Variants in MGAT4C observed in about 807,000 individuals in gnomAD.
MGAT4C encodes alpha-1,3-mannosyl-glycoprotein 4-beta-N-acetylglucosaminyltransferase C.
A neutral mutation model predicts 40.1 loss-of-function variants in MGAT4C; 19 were observed. That is an observed-to-expected ratio of 0.47 (90% CI 0.33 to 0.70). The LOEUF is 0.70. Ranked by LOEUF, MGAT4C falls within the 30% of genes least tolerant of loss-of-function variation. The pLI is 0.02. For synonymous variants in MGAT4C, 181 were observed against 187.1 expected (o/e 0.97, Z 0.27); for missense variants, 491 against 563.2 (o/e 0.87, Z 1.30).
intron 2 of MGAT4C, chr12:86,011,740 G>T: frequency 1.5e-6 from 1 of 654,028 alleles, no homozygotes; most frequent in Non-Finnish European, 1.9e-6. Flanking sequence ...AATATAATTT[G>T]CGAATAATAC....
chr12:86,322,787 T>C (rs1184582332), intron 4 of MGAT4C, among the ~76,000 whole-genome samples: 1 of 152,102 alleles, frequency 6.6e-6, no homozygotes, highest in East Asian at 1.9e-4. Flanking sequence ...ATAGAGCATA[T>C]ATTTTTAGAT....
At chr12:86,392,166 G>A (rs1356304344) in intron 3 of MGAT4C, among the ~76,000 whole-genome samples, 1 of 152,048 alleles carries the variant, frequency 6.6e-6, no homozygotes, top group Non-Finnish European at 1.5e-5. Flanking sequence ...TCTTCTAGAA[G>A]AAGAGCAAGA....
chr12:86,012,466 C>T (rs373636185), intron 2 of MGAT4C, among the ~76,000 whole-genome samples: 9 of 152,114 alleles, frequency 5.9e-5, no homozygotes, highest in East Asian at 1.9e-4. Flanking sequence ...TGAGGCCAGG[C>T]GCAGTGGCTC....
intron 2 of MGAT4C, among the ~76,000 whole-genome samples, chr12:86,681,445 TAATC>T (rs1324618453): frequency 6.6e-6 from 1 of 151,976 alleles, no homozygotes. Context: ...ACAATTCAAT[TAATC>T]AGATTTTCTT....
At chr12:86,110,459 G>A (rs1445423279) in intron 1 of MGAT4C, among the ~76,000 whole-genome samples, 2 of 148,202 alleles carry the variant, frequency 1.3e-5, no homozygotes, top group Non-Finnish European at 3.0e-5. Flanking sequence ...TATTATATAT[G>A]ATGCCACATC....
At chr12:85,997,339 G>A (rs1886740581) in intron 2 of MGAT4C, among the ~76,000 whole-genome samples, 1 of 152,120 alleles carries the variant, frequency 6.6e-6, no homozygotes, top group African/African-American at 2.4e-5. Context: ...AGATTTGGGT[G>A]GGGAACCAGC....
chr12:86,086,069 T>A (rs1295536979), intron 1 of MGAT4C, among the ~76,000 whole-genome samples: 1 of 152,120 alleles, frequency 6.6e-6, no homozygotes, highest in African/African-American at 2.4e-5. Flanking sequence ...TAAATCATTC[T>A]ACTATAAAGA....
intron 3 of MGAT4C, among the ~76,000 whole-genome samples, chr12:86,344,756 A>ATGTGTGTG (rs375136362): frequency 1.0e-4 from 10 of 96,400 alleles, no homozygotes; most frequent in East Asian, 7.7e-4. Context: ...GTGTGTGTGT[A>ATGTGTGTG]TGTGTGTGTG....
intron 1 of MGAT4C, among the ~76,000 whole-genome samples, chr12:86,768,361 TAA>T (rs1951556565): frequency 6.6e-6 from 1 of 151,952 alleles, no homozygotes; most frequent in Non-Finnish European, 1.5e-5. Context: ...CTCAATGAAA[TAA>T]AAGAGGATAC....
intron 3 of MGAT4C, among the ~76,000 whole-genome samples, chr12:86,338,590 G>A (rs1315138174): frequency 6.6e-6 from 1 of 152,154 alleles, no homozygotes; most frequent in Non-Finnish European, 1.5e-5. Context: ...CCTATGCCCA[G>A]GAATGAACAA....
intron 3 of MGAT4C, among the ~76,000 whole-genome samples, chr12:86,359,345 TA>T (rs1376579591): frequency 6.6e-6 from 1 of 152,174 alleles, no homozygotes; most frequent in African/African-American, 2.4e-5. Context: ...GAGGGAAATT[TA>T]TAGCACTAAA....
At chr12:86,462,538 AAGG>A (rs1565778785) in intron 2 of MGAT4C, among the ~76,000 whole-genome samples, 2 of 152,298 alleles carry the variant, frequency 1.3e-5, no homozygotes, top group South Asian at 4.1e-4. Context: ...GGAGTTTATT[AAGG>A]AGTATTGACT....
At chr12:86,593,171 T>C (rs887213902) in intron 2 of MGAT4C, among the ~76,000 whole-genome samples, 2 of 152,080 alleles carry the variant, frequency 1.3e-5, no homozygotes, top group Non-Finnish European at 2.9e-5. Context: ...TGACATACAA[T>C]TGTTCATAAT....
chr12:86,198,902 G>A (rs1210780092), intron 1 of MGAT4C, among the ~76,000 whole-genome samples: 2 of 152,182 alleles, frequency 1.3e-5, no homozygotes, highest in African/African-American at 2.4e-5. Context: ...GCTAGACTCA[G>A]ATAGCTGTGT....
chr12:86,096,417 CCCCTT>C (rs1183478884), intron 1 of MGAT4C, among the ~76,000 whole-genome samples: 2 of 146,778 alleles, frequency 1.4e-5, no homozygotes, highest in Non-Finnish European at 3.0e-5. Flanking sequence ...CCCCTCCCCT[CCCCTT>C]CCCTTCCTTT....
Position 86,794,941 on chromosome 12 carries a change from C to T in MGAT4C, c.-262+43725G>A, listed in dbSNP as rs140200319. On this transcript the variant is annotated intron_variant, in intron 1 of 7. Coordinates refer to the MGAT4C transcript ENST00000548651. Reference sequence around the variant, plus strand: ...CTATAAAAATGGAACCACTGCACCCCATTCTGTTTGAATACTTGTTTCAAA... The same window carrying T: ...CTATAAAAATGGAACCACTGCACCCTATTCTGTTTGAATACTTGTTTCAAA... Among the ~76,000 whole-genome samples the T allele has an allele frequency of 5.2e-4, 79 of 151,958 alleles. No individual in the cohort carries two copies. In the East Asian group the frequency reaches 0.014, roughly 26 times the overall value.
chr12:86,450,238 T>C (rs1957402891), intron 2 of MGAT4C, among the ~76,000 whole-genome samples: 1 of 152,122 alleles, frequency 6.6e-6, no homozygotes, highest in African/African-American at 2.4e-5. Flanking sequence ...TACTCATTGG[T>C]TTTAATCTGT....
intron 1 of MGAT4C, among the ~76,000 whole-genome samples, chr12:86,071,699 A>G (rs1461515751): frequency 6.6e-6 from 1 of 152,128 alleles, no homozygotes; most frequent in East Asian, 1.9e-4. Context: ...AATCATCTCA[A>G]CAATTGTATG....
chr12:86,417,419 G>A (rs1272314613), intron 3 of MGAT4C, among the ~76,000 whole-genome samples: 1 of 151,922 alleles, frequency 6.6e-6, no homozygotes, highest in Non-Finnish European at 1.5e-5. Flanking sequence ...CTTAAATGTT[G>A]AAAAATCTAT....
Sources: allele counts gnomAD v4.1 joint callset (sites outside exome capture counted in the v4.1 genomes callset), GRCh38; gene constraint gnomAD v4.1.1; transcripts MANE v1.5; gene names NCBI Gene and HGNC (gene_info 2026-07-23, HGNC 2026-07-21).